Variants in SH2D3C observed in about 807,000 individuals in gnomAD.
SH2D3C encodes SH2 domain containing 3C.
SH2D3C carries 25 observed loss-of-function variants against 75.2 expected under a neutral mutation model. The ratio of observed to expected loss-of-function variants is 0.33; its 90% CI spans 0.24 to 0.46. SH2D3C has a LOEUF of 0.46. Among genes scored for constraint, SH2D3C ranks in the 20% least tolerant of loss-of-function variants. The pLI is 1.00. For missense variants in SH2D3C, 933 were observed against 1,165.3 expected (o/e 0.80, Z 2.90); for synonymous variants, 450 against 473.7 (o/e 0.95, Z 0.65).
In SH2D3C at chr9:127,741,669, C is replaced by T. The variant is rs994099563; in HGVS notation, c.2088+119G>A. Reference sequence around the variant, plus strand: ...AGAACTCAGTTCTCCCGGGTAGTCTCACCAATTCTGCCTAGAAATTCCAAA... The same window carrying T: ...AGAACTCAGTTCTCCCGGGTAGTCTTACCAATTCTGCCTAGAAATTCCAAA... On this transcript the variant is annotated intron_variant, in intron 9 of 11. Transcript: ENST00000314830. 3.1e-6 allele frequency: 4 copies of T among 1,279,452 alleles called. No individual in the cohort carries two copies. In the African/African-American group the frequency reaches 4.5e-5, roughly 14 times the overall value. 79.3% of individuals were successfully genotyped at this position (1,279,452 alleles called of 1,614,324 possible).
In SH2D3C at chr9:127,745,047, G is replaced by A; in HGVS notation, c.1317C>T (p.Ala439=). The part of the protein sequence containing the change: ...PAAPSATALP[A]SPVARRSSEP... ...CACTGGAACGGCGGGCGACAGGGGA[G>A]GCAGGCAATGCTGTGGCAGAAGGGG... Residue 439 remains alanine (A), a synonymous_variant, in exon 7 of 12, where the codon GCC becomes GCT. Coordinates refer to ENST00000314830, the MANE Select transcript of SH2D3C (RefSeq NM_170600.3). 1 of 1,511,924 alleles carries A rather than the reference G, an allele frequency of 6.6e-7. No individual in the cohort carries two copies. Among genetic ancestry groups the A allele is most frequent in the Non-Finnish European group, 8.8e-7 (1 of 1,131,092 alleles). The allele number at this position is 1,511,924 out of a possible 1,614,324, so 93.7% of individuals were successfully genotyped here.
At chr9:127,742,375 TACAGACGCGCGCCACC>T (rs1844889507) in intron 8 of SH2D3C, among the ~76,000 whole-genome samples, 1 of 152,214 alleles carries the variant, frequency 6.6e-6, no homozygotes, top group African/African-American at 2.4e-5. Context: ...GAGCTGGGAT[TACAGACGCGCGCCACC>T]ACGCCCTGCT....
rs762687185 is a variant in SH2D3C at position 127,742,840 on chromosome 9, CTG to C, written c.1916+7_1916+8del. The C allele has an allele frequency of 6.2e-7, 1 of 1,606,698 alleles. No individual in the cohort carries two copies. Among genetic ancestry groups the C allele is most frequent in the Non-Finnish European group, 8.5e-7 (1 of 1,175,342 alleles). On this transcript the variant is annotated splice_region_variant and intron_variant, in intron 8 of 11. Coordinates refer to ENST00000314830, the MANE Select transcript of SH2D3C (RefSeq NM_170600.3). ...CCCCGCGAGTCCCCGGGTGCCGGCGCTGTCTCACCTTTCCAGCAGGTCTAGGC... is the reference window on the plus strand; with the variant it reads ...CCCCGCGAGTCCCCGGGTGCCGGCGCTCTCACCTTTCCAGCAGGTCTAGGC...
At chr9:127,769,517 G>A (rs1588523672) in intron 2 of SH2D3C, among the ~76,000 whole-genome samples, 1 of 151,910 alleles carries the variant, frequency 6.6e-6, no homozygotes, top group Non-Finnish European at 1.5e-5. Flanking sequence ...TTAGCCAGGC[G>A]TGGTGGCGCA....
intron 3 of SH2D3C, among the ~76,000 whole-genome samples, chr9:127,757,627 G>GATTATTATTATT (rs1491500374): frequency 2.8e-5 from 3 of 106,838 alleles, no homozygotes; most frequent in East Asian, 2.7e-4. Flanking sequence ...TGATGATGAT[G>GATTATTATTATT]ATGATGATGA....
At position 127,757,623 on chromosome 9, in the gene SH2D3C, TGATGATGATG is replaced by T. The variant is rs1564419732; in HGVS notation, c.555+3978_555+3987del. Among the ~76,000 whole-genome samples, 961 of 124,184 alleles carry T rather than the reference TGATGATGATG, an allele frequency of 7.7e-3. 6 individuals carry two copies. Among genetic ancestry groups the T allele is most frequent in the Non-Finnish European group, 0.011 (648 of 56,820 alleles). The allele number at this position is 124,184 out of a possible 152,430, so 81.5% of individuals were successfully genotyped here. On this transcript the variant is annotated intron_variant, in intron 3 of 11. Coordinates refer to ENST00000314830, the MANE Select transcript of SH2D3C (RefSeq NM_170600.3). ...ACCCAGATGATGATGATGATGATGA[TGATGATGATG>T]ATGATGATGATGATTATTATTATTA...
intron 2 of SH2D3C, among the ~76,000 whole-genome samples, chr9:127,770,255 C>G (rs1252846051): frequency 6.6e-6 from 1 of 152,180 alleles, no homozygotes. Context: ...ACCTCTTCCC[C>G]TTCCTTCCTC....
At chr9:127,772,954 C>T (rs1263628373) in intron 2 of SH2D3C, among the ~76,000 whole-genome samples, 1 of 152,058 alleles carries the variant, frequency 6.6e-6, no homozygotes, top group African/African-American at 2.4e-5. Flanking sequence ...GTGCCTCCAC[C>T]TCCTGAGTAA....
chr9:127,763,157 C>T (rs990273104), intron 2 of SH2D3C, among the ~76,000 whole-genome samples: 9 of 152,234 alleles, frequency 5.9e-5, no homozygotes, highest in Admixed American at 1.3e-4. Flanking sequence ...TGTCCCTCCT[C>T]CCTCTTTATT....
intron 3 of SH2D3C, among the ~76,000 whole-genome samples, chr9:127,757,404 G>A (rs1022318912): frequency 6.6e-6 from 1 of 150,630 alleles, no homozygotes; most frequent in African/African-American, 2.4e-5. Context: ...CCGAGTAGCT[G>A]GGACTACAGG....
At chr9:127,768,293 G>A (rs1370039586) in intron 2 of SH2D3C, among the ~76,000 whole-genome samples, 1 of 152,176 alleles carries the variant, frequency 6.6e-6, no homozygotes, top group African/African-American at 2.4e-5. Context: ...ATTCCAAAAG[G>A]AAATGGAGTG....
chr9:127,741,768 C>T lies in SH2D3C; in HGVS notation c.2088+20G>A. Reference sequence around the variant, plus strand: ...TTCCAGACAGTCTACCGGGTGCCAGCTCTGCGCGGCTCTCAGTACCTGGGC... The same window carrying T: ...TTCCAGACAGTCTACCGGGTGCCAGTTCTGCGCGGCTCTCAGTACCTGGGC... On this transcript the variant is annotated intron_variant, in intron 9 of 11. Transcript: ENST00000314830. The T allele has an allele frequency of 1.9e-6, 3 of 1,610,738 alleles. No homozygotes were observed. The South Asian group carries it at 3.3e-5, about 18-fold the overall frequency.
chr9:127,751,181 G>A lies in SH2D3C; in HGVS notation c.675C>T (p.Ile225=), dbSNP rs1344589910. ...LRSHAWYHGR[I]PREVSETLVQ... ...CTCGGGGCCTACTCACCTCTCGGGG[G>A]ATGCGGCCATGGTACCAGGCATGGC... is the stretch of plus-strand genomic sequence containing the variant. Residue 225 remains isoleucine, a synonymous_variant, in exon 4 of 12, where the codon ATC becomes ATT. Coordinates refer to ENST00000314830, the MANE Select transcript of SH2D3C (RefSeq NM_170600.3). This position sits in a 1 kb window ranked among gnomAD's most constrained non-coding sequence, Gnocchi z 4.1. 1 of 1,613,950 alleles carries A rather than the reference G, an allele frequency of 6.2e-7. No individual in the cohort carries two copies. Among genetic ancestry groups the A allele is most frequent in the South Asian group, 1.1e-5 (1 of 91,066 alleles).
At chr9:127,755,047 C>G (rs1845332170) in intron 3 of SH2D3C, 16 of 1,093,126 alleles carry the variant, frequency 1.5e-5, no homozygotes, top group Non-Finnish European at 1.7e-5. Context: ...CCCAGCCCGG[C>G]GCGCGTGGCG....
chr9:127,758,603 C>G (rs1383404775), intron 3 of SH2D3C, among the ~76,000 whole-genome samples: 1 of 152,154 alleles, frequency 6.6e-6, no homozygotes, highest in Non-Finnish European at 1.5e-5. Flanking sequence ...CTTGCTGCTA[C>G]CCTGGGCTCT....
intron 7 of SH2D3C, 116 bp downstream of exon 7, chr9:127,744,448 G>A (rs891154304): frequency 5.4e-6 from 7 of 1,288,416 alleles, no homozygotes; most frequent in Non-Finnish European, 7.5e-6. Context: ...GGACAGCCAT[G>A]GAGCTAGAAT....
intron 3 of SH2D3C, among the ~76,000 whole-genome samples, chr9:127,752,941 G>A (rs572710855): frequency 6.6e-6 from 1 of 152,282 alleles, no homozygotes; most frequent in African/African-American, 2.4e-5. Context: ...GAAGGACTGG[G>A]TGAGCCAAGC....
In SH2D3C at chr9:127,751,372, A is replaced by G; in HGVS notation, c.556-72T>C. The G allele has an allele frequency of 7.0e-7, 1 of 1,437,210 alleles. No individual in the cohort carries two copies. The highest frequency in any genetic ancestry group is 9.7e-7 in the Non-Finnish European group (1 of 1,030,238). 89.0% of individuals were successfully genotyped at this position (1,437,210 alleles called of 1,614,324 possible). A position where few individuals can be genotyped will look rare whatever the true frequency, so the allele number is the denominator to read the frequency against. ...CTTCTTTCCCTCCCAACTTCATTCT[A>G]CCATGGATGAACTCCTCCTATCCTG... On this transcript the variant is annotated intron_variant, in intron 3 of 11. Transcript: ENST00000314830. The surrounding 1 kb of genome is among the most constrained non-coding windows in gnomAD (Gnocchi z 4.1).
At chr9:127,753,951 T>A (rs901750555) in intron 3 of SH2D3C, among the ~76,000 whole-genome samples, 1 of 152,162 alleles carries the variant, frequency 6.6e-6, no homozygotes, top group Admixed American at 6.5e-5. Context: ...CCTCATCCGT[T>A]AAAGGGGCTG....
Sources: allele counts gnomAD v4.1 joint callset (sites outside exome capture counted in the v4.1 genomes callset), GRCh38; gene constraint gnomAD v4.1.1; non-coding constraint Gnocchi (gnomAD v3.1); transcripts MANE v1.5; gene names NCBI Gene and HGNC (gene_info 2026-07-23, HGNC 2026-07-21).